PLA2G12B: variants seen among roughly 807,000 people sequenced by gnomAD.
PLA2G12B encodes the protein phospholipase A2 group XIIB.
A neutral mutation model predicts 22.3 loss-of-function variants in PLA2G12B; 19 were observed. The observed-to-expected ratio is 0.85, with a 90% confidence interval of 0.60 to 1.25. The LOEUF (loss-of-function observed/expected upper bound fraction) is 1.25. Ranked by LOEUF, PLA2G12B falls within the 50% of genes most tolerant of loss-of-function variation. The pLI is 0.00. For missense variants in PLA2G12B, 191 were observed against 246.6 expected (o/e 0.77, Z 1.51); for synonymous variants, 81 against 94.9 (o/e 0.85, Z 0.85).
chr10:72,945,161 A>G (rs1163105271), intron 1 of PLA2G12B, among the ~76,000 whole-genome samples: 1 of 152,208 alleles, frequency 6.6e-6, no homozygotes, highest in Non-Finnish European at 1.5e-5. Flanking sequence ...TTGTGGTCCA[A>G]GATGACTTCC....
At chr10:72,951,091 T>G (rs1336486597) in intron 1 of PLA2G12B, among the ~76,000 whole-genome samples, 1 of 152,230 alleles carries the variant, frequency 6.6e-6, no homozygotes. Context: ...ATTTGTTTGG[T>G]ACCTACCATG....
At chr10:72,942,149 GGTGTGTGTGTGT>G (rs34740594) in intron 2 of PLA2G12B, among the ~76,000 whole-genome samples, 6 of 136,038 alleles carry the variant, frequency 4.4e-5, no homozygotes, top group Middle Eastern at 4.4e-3. Context: ...CAGGGCGTCG[GGTGTGTGTGTGT>G]GTGTGTGTGT....
intron 3 of PLA2G12B, among the ~76,000 whole-genome samples, chr10:72,938,290 G>C (rs771785938): frequency 2.0e-5 from 3 of 152,054 alleles, no homozygotes; most frequent in Non-Finnish European, 4.4e-5. Context: ...TCAGGAACAA[G>C]ACAAAAATGT....
intron 1 of PLA2G12B, among the ~76,000 whole-genome samples, chr10:72,944,898 C>G (rs1846416251): frequency 1.3e-5 from 2 of 152,202 alleles, no homozygotes; most frequent in South Asian, 4.1e-4. Flanking sequence ...TCCAGCCCCT[C>G]TCTTCAGTAA....
At position 72,954,788 on chromosome 10, in the gene PLA2G12B, G is replaced by A. The variant is rs1846594656; in HGVS notation, c.-103C>T. 3 of 1,180,196 alleles carry A rather than the reference G, an allele frequency of 2.5e-6. No homozygotes were observed. The highest frequency in any genetic ancestry group is 4.5e-5 in the Admixed American group (2 of 44,326). The allele number at this position is 1,180,196 out of a possible 1,614,324, so 73.1% of individuals were successfully genotyped here. On this transcript the variant is annotated 5_prime_UTR_variant, in exon 1 of 4. Transcript: ENST00000373032. ...CCAGATGTCAGGCAGGACTGGGAAA[G>A]GGATTATCTGGAACATTCAATCTGT...
Position 72,939,725 on chromosome 10 carries a change from C to G in PLA2G12B, c.466+1444G>C, listed in dbSNP as rs1196257201. On this transcript the variant is annotated intron_variant, in intron 3 of 3. Coordinates refer to ENST00000373032, the MANE Select transcript of PLA2G12B (RefSeq NM_032562.5). ...CTACGAAGGGACAGTTCTGAGCCCA[C>G]TGAAGCAGGAGTCAAGAGACAGACC... Among the ~76,000 whole-genome samples the G allele has an allele frequency of 1.3e-5, 2 of 152,212 alleles. 1 individual carries two copies. Among genetic ancestry groups the G allele is most frequent in the Admixed American group, 1.3e-4 (2 of 15,288 alleles).
At chr10:72,945,829 G>C (rs1001666911) in intron 1 of PLA2G12B, among the ~76,000 whole-genome samples, 1 of 152,030 alleles carries the variant, frequency 6.6e-6, no homozygotes, top group African/African-American at 2.4e-5. Flanking sequence ...TGTATTTTTA[G>C]TAGAGATGGG....
Position 72,949,542 on chromosome 10 carries a change from A to T in PLA2G12B, c.211+4933T>A, listed in dbSNP as rs544625798. On this transcript the variant is annotated intron_variant, in intron 1 of 3. Coordinates refer to ENST00000373032, the MANE Select transcript of PLA2G12B (RefSeq NM_032562.5). ...TCATTTGTTTTACAATTTTCCACTC[A>T]ATGATATGATTTTTCTATTAATATT... Among the ~76,000 whole-genome samples, 5 of 152,298 alleles carry T rather than the reference A, an allele frequency of 3.3e-5. No homozygotes were observed. In the South Asian group the frequency reaches 6.2e-4, roughly 19 times the overall value.
At chr10:72,945,155 G>A (rs1391020077) in intron 1 of PLA2G12B, among the ~76,000 whole-genome samples, 1 of 152,112 alleles carries the variant, frequency 6.6e-6, no homozygotes, top group Non-Finnish European at 1.5e-5. Context: ...ATAAGATTGT[G>A]GTCCAAGATG....
intron 1 of PLA2G12B, among the ~76,000 whole-genome samples, chr10:72,952,047 TG>T (rs1846540070): frequency 6.6e-6 from 1 of 152,186 alleles, no homozygotes; most frequent in South Asian, 2.1e-4. Context: ...TGCAATCACC[TG>T]GGAAAAATGT....
intron 1 of PLA2G12B, among the ~76,000 whole-genome samples, chr10:72,947,503 G>A (rs942539517): frequency 5.3e-5 from 8 of 152,100 alleles, no homozygotes; most frequent in African/African-American, 1.9e-4. Context: ...GCCTCCCAAA[G>A]GGCTGAGATT....
rs150404005 is a variant in PLA2G12B at position 72,942,695 on chromosome 10, T to C, written c.257A>G (p.Asn86Ser). ...PRPGYKPQEP[N>S]GCGSYFLGLK... Reference sequence around the variant, plus strand: ...ACCCAGGAAATAGGAGCCGCAGCCATTGGGCTCTTGGGGCTTGTAGCCAGG... The same window carrying C: ...ACCCAGGAAATAGGAGCCGCAGCCACTGGGCTCTTGGGGCTTGTAGCCAGG... The change falls in exon 2 of 4, where the codon AAT becomes AGT. Residue 86 changes from asparagine (N) to serine (S), a missense_variant. Coordinates refer to ENST00000373032, the MANE Select transcript of PLA2G12B (RefSeq NM_032562.5). 166 of 1,608,208 alleles carry C rather than the reference T, an allele frequency of 1.0e-4. No homozygotes were observed. Among genetic ancestry groups the C allele is most frequent in the Non-Finnish European group, 1.3e-4 (148 of 1,177,390 alleles).
intron 1 of PLA2G12B, among the ~76,000 whole-genome samples, chr10:72,949,926 G>A (rs565535187): frequency 1.3e-5 from 2 of 152,134 alleles, no homozygotes; most frequent in South Asian, 2.1e-4. Flanking sequence ...GCAGTGAGCC[G>A]AGATAGTACC....
At position 72,934,762 on chromosome 10, in the gene PLA2G12B, A is replaced by G. The variant is rs2132957055; in HGVS notation, c.*855T>C. Among the ~76,000 whole-genome samples the G allele has an allele frequency of 6.6e-6, 1 of 152,308 alleles. No individual in the cohort carries two copies. The highest frequency in any genetic ancestry group is 2.4e-5 in the African/African-American group (1 of 41,562). ...CAGTGCATATTTACTGGTTTGTTTT[A>G]AAGGATCCTCAGGTGATTCTAATCC... On this transcript the variant is annotated 3_prime_UTR_variant, in exon 4 of 4. Transcript: ENST00000373032.
intron 1 of PLA2G12B, among the ~76,000 whole-genome samples, chr10:72,951,222 A>G (rs1053812370): frequency 6.6e-6 from 1 of 152,160 alleles, no homozygotes; most frequent in Admixed American, 6.6e-5. Flanking sequence ...AGAGAGTCAG[A>G]TAACTCACCC....
intron 1 of PLA2G12B, among the ~76,000 whole-genome samples, chr10:72,944,932 G>A (rs1403693164): frequency 2.0e-5 from 3 of 152,184 alleles, no homozygotes; most frequent in African/African-American, 4.8e-5. Context: ...TGTTATACAC[G>A]TCACTTCCTC....
At chr10:72,945,424 AT>A (rs1846424131) in intron 1 of PLA2G12B, among the ~76,000 whole-genome samples, 1 of 152,136 alleles carries the variant, frequency 6.6e-6, no homozygotes. Context: ...AGCCACATGA[AT>A]TTAACAAGAG....
At chr10:72,945,012 T>A (rs1031655396) in intron 1 of PLA2G12B, among the ~76,000 whole-genome samples, 4 of 152,164 alleles carry the variant, frequency 2.6e-5, no homozygotes, top group Non-Finnish European at 2.9e-5. Context: ...GGAAATGAAG[T>A]GGGCAGCCAT....
At chr10:72,947,422 T>G (rs2132977104) in intron 1 of PLA2G12B, among the ~76,000 whole-genome samples, 2 of 152,106 alleles carry the variant, frequency 1.3e-5, no homozygotes, top group African/African-American at 2.4e-5. Context: ...TATTTTTTTG[T>G]GGAGATGGGG....
Sources: gnomAD v4.1 joint callset for allele counts (sites outside exome capture counted in the v4.1 genomes callset) on GRCh38, gnomAD v4.1.1 for gene constraint, MANE v1.5 for transcripts, NCBI Gene and HGNC (gene_info 2026-07-23, HGNC 2026-07-21) for gene names.